Variants in C1orf94 observed in about 807,000 individuals in gnomAD.
C1orf94 encodes uncharacterized protein C1orf94.
C1orf94 carries 45 observed loss-of-function variants against 53.6 expected under a neutral mutation model. That is an observed-to-expected ratio of 0.84 (90% CI 0.66 to 1.08). The LOEUF (loss-of-function observed/expected upper bound fraction) is 1.08, where lower values mean the gene tolerates loss of function less well. C1orf94 is among the 50% of genes least tolerant of loss of function. C1orf94 has a pLI of 0.00. For synonymous variants in C1orf94, 304 were observed against 296.1 expected, an observed-to-expected ratio of 1.03 and a Z score of -0.27; for missense variants, 762 against 738.9, an observed-to-expected ratio of 1.03 and a Z score of -0.36.
At chr1:34,192,887 G>A (rs1642516085) in intron 1 of C1orf94, among the ~76,000 whole-genome samples, 1 of 152,144 alleles carries the variant, frequency 6.6e-6, no homozygotes, top group African/African-American at 2.4e-5. Context: ...AGCCCAACAT[G>A]ACTGGAAGAG....
chr1:34,209,295 C>G lies in C1orf94; in HGVS notation c.1524+1061C>G, dbSNP rs573151971. On this transcript the variant is annotated intron_variant, in intron 5 of 6. Coordinates refer to ENST00000488417, the MANE Select transcript of C1orf94 (RefSeq NM_001134734.2). Reference sequence around the variant, plus strand: ...AGAAAGAGAAATGCAAACACACACACACACACACACACACACACACACACA... The same window carrying G: ...AGAAAGAGAAATGCAAACACACACAGACACACACACACACACACACACACA... Among the ~76,000 whole-genome samples the G allele has an allele frequency of 4.6e-5, 7 of 151,438 alleles. No individual in the cohort carries two copies. In the South Asian group the frequency reaches 1.5e-3, roughly 32 times the overall value.
intron 1 of C1orf94, among the ~76,000 whole-genome samples, chr1:34,195,261 G>A (rs191529216): frequency 2.1e-4 from 32 of 152,298 alleles, no homozygotes; most frequent in African/African-American, 6.7e-4. Flanking sequence ...ACAGGGCACT[G>A]TGCTGAGCTC....
At chr1:34,208,132 A>T in intron 4 of C1orf94, 25 bp from the exon 5 acceptor site, 1 of 1,612,860 alleles carries the variant, frequency 6.2e-7, no homozygotes, top group Non-Finnish European at 8.5e-7. Flanking sequence ...TTGCCTGGCC[A>T]TACTGAGCCT....
chr1:34,169,218 G>T (rs1190450251), intron 1 of C1orf94, among the ~76,000 whole-genome samples: 1 of 152,076 alleles, frequency 6.6e-6, no homozygotes, highest in African/African-American at 2.4e-5. Flanking sequence ...GCAGAGATGG[G>T]GACCCTGGAA....
intron 4 of C1orf94, among the ~76,000 whole-genome samples, chr1:34,204,220 G>T (rs1002876382): frequency 2.0e-5 from 3 of 152,202 alleles, no homozygotes; most frequent in African/African-American, 7.2e-5. Context: ...TGGGAAAGGG[G>T]ATTGGCTCTT....
At chr1:34,206,429 C>A (rs1642793734) in intron 4 of C1orf94, among the ~76,000 whole-genome samples, 1 of 152,200 alleles carries the variant, frequency 6.6e-6, no homozygotes, top group Non-Finnish European at 1.5e-5. Context: ...GCTCTGGTCA[C>A]CCTCTAAGAG....
chr1:34,189,667 C>G (rs1330869683), intron 1 of C1orf94, among the ~76,000 whole-genome samples: 3 of 152,222 alleles, frequency 2.0e-5, no homozygotes, highest in African/African-American at 7.2e-5. Context: ...GCCAGAGCCA[C>G]TGCTTACATG....
chr1:34,194,450 T>C (rs16836407), intron 1 of C1orf94, among the ~76,000 whole-genome samples: 1,762 of 152,138 alleles, frequency 0.012, 33 homozygotes, highest in African/African-American at 0.04. Context: ...CATGGGGTGA[T>C]TTTTGGTACA....
At chr1:34,181,759 G>A (rs914311376) in intron 1 of C1orf94, among the ~76,000 whole-genome samples, 6 of 152,226 alleles carry the variant, frequency 3.9e-5, no homozygotes, top group African/African-American at 1.4e-4. Flanking sequence ...TGGAAATAGA[G>A]CAGAGGGAAG....
intron 1 of C1orf94, among the ~76,000 whole-genome samples, chr1:34,188,899 T>C (rs1642432752): frequency 6.6e-6 from 1 of 152,130 alleles, no homozygotes; most frequent in Non-Finnish European, 1.5e-5. Context: ...TTTCTCTCAA[T>C]TGTCCCTTAT....
intron 5 of C1orf94, among the ~76,000 whole-genome samples, chr1:34,209,496 A>T (rs1018577691): frequency 6.6e-6 from 1 of 152,128 alleles, no homozygotes; most frequent in Non-Finnish European, 1.5e-5. Flanking sequence ...ACCAACACCC[A>T]GCCTGCCATA....
At chr1:34,213,245 C>T (rs750537249) in intron 6 of C1orf94, among the ~76,000 whole-genome samples, 1 of 152,300 alleles carries the variant, frequency 6.6e-6, no homozygotes, top group South Asian at 2.1e-4. Context: ...CAGTGATTCC[C>T]ATCCTTCCAC....
At chr1:34,181,160 C>G (rs1305242378) in intron 1 of C1orf94, among the ~76,000 whole-genome samples, 1 of 152,106 alleles carries the variant, frequency 6.6e-6, no homozygotes, top group Non-Finnish European at 1.5e-5. Context: ...TGTCTTTTTT[C>G]TTTCGATACC....
chr1:34,217,639 C>T (rs74336640), intron 6 of C1orf94, among the ~76,000 whole-genome samples: 8,158 of 152,192 alleles, frequency 0.054, 622 homozygotes, highest in African/African-American at 0.17. Context: ...GTGAGACAAC[C>T]CAGCCCAACT....
intron 6 of C1orf94, 125 bp from the exon 7 acceptor site, chr1:34,218,561 T>C (rs1643027281): frequency 3.2e-6 from 2 of 625,068 alleles, no homozygotes; most frequent in Non-Finnish European, 2.5e-6. Context: ...CCAAAGCCTT[T>C]ACCCTCCAAG....
At chr1:34,201,530 C>T (rs769884373) in intron 3 of C1orf94, among the ~76,000 whole-genome samples, 1 of 152,176 alleles carries the variant, frequency 6.6e-6, no homozygotes, top group African/African-American at 2.4e-5. Flanking sequence ...CTCAACCTAA[C>T]TTCATTTGTT....
At chr1:34,193,397 A>G (rs1277582935) in intron 1 of C1orf94, among the ~76,000 whole-genome samples, 1 of 152,208 alleles carries the variant, frequency 6.6e-6, no homozygotes, top group Non-Finnish European at 1.5e-5. Flanking sequence ...GGGACAGCTA[A>G]TGCCACGGAT....
intron 1 of C1orf94, among the ~76,000 whole-genome samples, chr1:34,193,927 G>A (rs1642539286): frequency 6.6e-6 from 1 of 152,212 alleles, no homozygotes. Flanking sequence ...GAGCCTCATT[G>A]ATTCCTGTGG....
At chr1:34,190,215 C>A (rs1370271697) in intron 1 of C1orf94, among the ~76,000 whole-genome samples, 1 of 152,148 alleles carries the variant, frequency 6.6e-6, no homozygotes, top group African/African-American at 2.4e-5. Context: ...TGGTTCAGGC[C>A]CCAGTCCCCT....
Sources: allele counts gnomAD v4.1 joint callset (sites outside exome capture counted in the v4.1 genomes callset), GRCh38; gene constraint gnomAD v4.1.1; transcripts MANE v1.5; gene names NCBI Gene and HGNC (gene_info 2026-07-23, HGNC 2026-07-21).